The following SLC24A4 variants were observed in gnomAD, a reference collection of about 807,000 sequenced individuals.
SLC24A4 encodes solute carrier family 24 member 4.
A neutral mutation model predicts 79.0 loss-of-function variants in SLC24A4; 53 were observed. The observed-to-expected ratio is 0.67, with a 90% confidence interval of 0.54 to 0.84. The LOEUF is 0.84. Ranked by LOEUF, SLC24A4 falls within the 40% of genes least tolerant of loss-of-function variation. The pLI is 0.00. For synonymous variants in SLC24A4, 323 were observed against 323.8 expected, an observed-to-expected ratio of 1.00 and a Z score of 0.03; for missense variants, 731 against 822.0, an observed-to-expected ratio of 0.89 and a Z score of 1.35.
At chr14:92,323,091 C>T (rs1345913705), upstream of SLC24A4, 5 of 138,478 alleles carry the variant, frequency 3.6e-5, no homozygotes, top group African/African-American at 1.1e-4. The surrounding 1 kb of genome is among the most constrained non-coding windows in gnomAD (Gnocchi z 4.9). Context: ...CTGGGAAGGG[C>T]GGGGGGTGAG....
chr14:92,489,047 A>G (rs1242550225), intron 14 of SLC24A4, among the ~76,000 whole-genome samples: 1 of 152,174 alleles, frequency 6.6e-6, no homozygotes, highest in Non-Finnish European at 1.5e-5. Context: ...GTGGAAGTAC[A>G]GAAACTGAGG....
At chr14:92,378,515 G>C (rs1888647689) in intron 2 of SLC24A4, among the ~76,000 whole-genome samples, 1 of 152,138 alleles carries the variant, frequency 6.6e-6, no homozygotes, top group South Asian at 2.1e-4. Flanking sequence ...GTGTTTTGGG[G>C]CTGCTTAACA....
chr14:92,461,027 C>T (rs550028463), intron 12 of SLC24A4, among the ~76,000 whole-genome samples: 2 of 152,182 alleles, frequency 1.3e-5, no homozygotes, highest in African/African-American at 2.4e-5. Flanking sequence ...CGCTTTCGCC[C>T]GTGGAAACCA....
chr14:92,446,361 G>A (rs1176681327), intron 8 of SLC24A4, among the ~76,000 whole-genome samples: 2 of 152,132 alleles, frequency 1.3e-5, no homozygotes, highest in Non-Finnish European at 2.9e-5. Context: ...TGGCCAGGCT[G>A]GTCTCGAACT....
At chr14:92,401,149 T>A (rs543132458) in intron 2 of SLC24A4, among the ~76,000 whole-genome samples, 1 of 151,738 alleles carries the variant, frequency 6.6e-6, no homozygotes, top group Admixed American at 6.6e-5. Context: ...TAAGGAAGAG[T>A]CTGAAAACCC....
At chr14:92,394,311 A>G (rs1889651134) in intron 2 of SLC24A4, among the ~76,000 whole-genome samples, 1 of 152,122 alleles carries the variant, frequency 6.6e-6, no homozygotes, top group Non-Finnish European at 1.5e-5. Context: ...CAGAAGAAAT[A>G]CAGGCCAGGC....
chr14:92,413,362 C>T (rs1435502709), intron 2 of SLC24A4, among the ~76,000 whole-genome samples: 3 of 152,086 alleles, frequency 2.0e-5, no homozygotes, highest in African/African-American at 7.2e-5. Context: ...CCAGTTCATT[C>T]CTTTGCCTAG....
chr14:92,406,582 C>T (rs557836974), intron 2 of SLC24A4, among the ~76,000 whole-genome samples: 1 of 152,206 alleles, frequency 6.6e-6, no homozygotes, highest in African/African-American at 2.4e-5. Context: ...TTGTCTTCTG[C>T]ACACCTACAG....
At chr14:92,371,259 A>G (rs1342306097) in intron 2 of SLC24A4, among the ~76,000 whole-genome samples, 4 of 152,236 alleles carry the variant, frequency 2.6e-5, no homozygotes, top group Non-Finnish European at 5.9e-5. Flanking sequence ...CAATAAAAAC[A>G]GTGGGCCTTA....
At chr14:92,484,038 G>T in intron 13 of SLC24A4, 1 of 985,326 alleles carries the variant, frequency 1.0e-6, no homozygotes, top group South Asian at 4.7e-5. Flanking sequence ...AACCACAGAA[G>T]CTGGTGACTC....
chr14:92,349,969 A>T (rs915352020), intron 2 of SLC24A4, among the ~76,000 whole-genome samples: 3 of 152,194 alleles, frequency 2.0e-5, no homozygotes, highest in African/African-American at 7.2e-5. Flanking sequence ...GCAGACACTC[A>T]CCGCCTACCT....
intron 12 of SLC24A4, among the ~76,000 whole-genome samples, chr14:92,464,614 G>A (rs1893997597): frequency 6.6e-6 from 1 of 152,042 alleles, no homozygotes; most frequent in Non-Finnish European, 1.5e-5. Context: ...GTAGCAGGAA[G>A]GTGGTCGGTC....
chr14:92,453,635 G>A (rs1025286825), intron 10 of SLC24A4: 46 of 394,172 alleles, frequency 1.2e-4, no homozygotes, highest in South Asian at 6.8e-4. Flanking sequence ...GAAGAGAGGC[G>A]AAAAGAGCAT....
intron 2 of SLC24A4, among the ~76,000 whole-genome samples, chr14:92,387,030 G>A (rs971601228): frequency 8.6e-5 from 13 of 151,738 alleles, no homozygotes; most frequent in East Asian, 7.7e-4. Context: ...CCTGGCTTCC[G>A]TGAGAATCTG....
At chr14:92,483,510 C>T (rs1490691232) in intron 13 of SLC24A4, among the ~76,000 whole-genome samples, 3 of 152,216 alleles carry the variant, frequency 2.0e-5, no homozygotes, top group Admixed American at 6.5e-5. Flanking sequence ...AGCTGCCTCT[C>T]AGTTTGCTAC....
rs5810597 is a variant in SLC24A4 at position 92,393,545 on chromosome 14, CTTTTTTTTT to C, written c.242-40354_242-40346del. On this transcript the variant is annotated intron_variant, in intron 2 of 16. Transcript: ENST00000532405. ...CCAGTTCCATCCAAGAAGACACACT[CTTTTTTTTT>C]TTTTTTTTTTTTACGGAGTCTCGCT... Among the ~76,000 whole-genome samples the C allele has an allele frequency of 5.9e-4, 66 of 112,478 alleles. 1 individual carries two copies. In the East Asian group the frequency reaches 0.013, roughly 22 times the overall value. 73.8% of individuals were successfully genotyped at this position (112,478 alleles called of 152,430 possible).
intron 3 of SLC24A4, among the ~76,000 whole-genome samples, chr14:92,434,698 G>T (rs1595274682): frequency 1.3e-5 from 2 of 152,194 alleles, no homozygotes; most frequent in African/African-American, 4.8e-5. Context: ...TCTGAAGCAC[G>T]TTTAAGGTAG....
chr14:92,486,621 C>A, intron 13 of SLC24A4, 45 bp from the exon 14 acceptor site: 2 of 1,230,446 alleles, frequency 1.6e-6, no homozygotes, highest in Non-Finnish European at 2.4e-6. Context: ...CTTTAGTCCA[C>A]ACACTGTTGG....
chr14:92,434,045 C>T lies in SLC24A4; in HGVS notation c.318+57C>T, dbSNP rs992192800. On this transcript the variant is annotated intron_variant, in intron 3 of 16. Transcript: ENST00000532405. The stretch of plus-strand genomic sequence containing the variant: ...TTCTGGCACATGAAGCCTCTCTGCA[C>T]AGCGGGGCAGAGCCGTGGCGTGTCT... The T allele has an allele frequency of 3.3e-5, 45 of 1,348,146 alleles. 1 individual carries two copies. In the East Asian group the frequency reaches 9.8e-4, roughly 29 times the overall value. 83.5% of individuals were successfully genotyped at this position (1,348,146 alleles called of 1,614,324 possible).
Sources: gnomAD v4.1 joint callset for allele counts (sites outside exome capture counted in the v4.1 genomes callset) on GRCh38, gnomAD v4.1.1 for gene constraint, Gnocchi (gnomAD v3.1) non-coding constraint, MANE v1.5 for transcripts, NCBI Gene and HGNC (gene_info 2026-07-23, HGNC 2026-07-21) for gene names.